Variants in EHBP1 observed in about 807,000 individuals in gnomAD.
The protein encoded by EHBP1 is EH domain binding protein 1.
Under a neutral mutation model 144.0 loss-of-function variants are expected in EHBP1, and 55 were observed. The observed-to-expected ratio is 0.38, with a 90% CI of 0.31 to 0.48. The LOEUF (loss-of-function observed/expected upper bound fraction) is 0.48. Ranked by LOEUF, EHBP1 falls within the 20% of genes least tolerant of loss-of-function variation. The probability of loss-of-function intolerance (pLI) is 0.98; values close to 1 mark genes in which losing one functional copy is unlikely to be tolerated. For synonymous variants in EHBP1, 469 were observed against 472.7 expected (o/e 0.99, Z 0.10); for missense variants, 1,200 against 1,364.2 (o/e 0.88, Z 1.90).
chr2:63,032,344 G>A lies in EHBP1; in HGVS notation c.3104-5191G>A, dbSNP rs979619056. Among the ~76,000 whole-genome samples, 37 of 151,548 alleles carry A rather than the reference G, an allele frequency of 2.4e-4. 1 individual carries two copies. The highest frequency in any genetic ancestry group is 3.1e-4 in the Non-Finnish European group (21 of 67,886). On this transcript the variant is annotated intron_variant, in intron 19 of 22. Coordinates refer to ENST00000431489, the MANE Select transcript of EHBP1 (RefSeq NM_001142616.3). ...AGCGTTTTGGGAGGCGCAGGCGGGT[G>A]GATCATGAGGTCAGGAAATCAAGAC...
intron 1 of EHBP1, among the ~76,000 whole-genome samples, chr2:62,689,643 G>C (rs1412805809): frequency 6.6e-6 from 1 of 152,096 alleles, no homozygotes; most frequent in East Asian, 1.9e-4. Flanking sequence ...TCTAGCCTAG[G>C]CAACAGAGCA....
intron 3 of EHBP1, among the ~76,000 whole-genome samples, chr2:62,755,223 G>A (rs928568885): frequency 3.3e-5 from 5 of 152,296 alleles, no homozygotes. Flanking sequence ...TAAGACTAGT[G>A]TTGCTTGTTC....
At chr2:63,021,921 C>T (rs773583044) in intron 19 of EHBP1, among the ~76,000 whole-genome samples, 1 of 152,074 alleles carries the variant, frequency 6.6e-6, no homozygotes, top group Non-Finnish European at 1.5e-5. Flanking sequence ...CACCTGCCAC[C>T]ACGCACAGCT....
At chr2:62,696,019 T>C (rs951459199) in intron 1 of EHBP1, among the ~76,000 whole-genome samples, 2 of 152,140 alleles carry the variant, frequency 1.3e-5, no homozygotes, top group African/African-American at 2.4e-5. Flanking sequence ...AGCCTAATCA[T>C]TATTTTTTAT....
intron 19 of EHBP1, among the ~76,000 whole-genome samples, chr2:63,001,419 A>T (rs1162851372): frequency 1.3e-5 from 2 of 152,206 alleles, no homozygotes; most frequent in African/African-American, 2.4e-5. Flanking sequence ...AAATTAAAAG[A>T]ACTTTTTTCT....
In EHBP1 at chr2:62,885,749, A is replaced by G. The variant is rs976350580; in HGVS notation, c.1185+11217A>G. On this transcript the variant is annotated intron_variant, in intron 10 of 22. Transcript: ENST00000431489. ...ATTAAACTTACAGTTCTCTGATTGCATAGAAAAGAGCCCCACCGTACATTC... is the reference window on the plus strand; with the variant it reads ...ATTAAACTTACAGTTCTCTGATTGCGTAGAAAAGAGCCCCACCGTACATTC... 3.9e-4 allele frequency among the ~76,000 whole-genome samples: 60 copies of G among 152,320 alleles called. 1 individual carries two copies. The South Asian group carries it at 5.2e-3, about 13-fold the overall frequency.
At chr2:62,998,499 T>G (rs184026218) in intron 19 of EHBP1, among the ~76,000 whole-genome samples, 1 of 152,268 alleles carries the variant, frequency 6.6e-6, no homozygotes, top group African/African-American at 2.4e-5. Flanking sequence ...TCCCTGATTG[T>G]GTTGGATAAA....
chr2:62,796,602 G>T (rs537592093), intron 5 of EHBP1, among the ~76,000 whole-genome samples: 2 of 152,194 alleles, frequency 1.3e-5, no homozygotes, highest in African/African-American at 2.4e-5. Context: ...ATTTTAAAAT[G>T]TAAAATTTTA....
chr2:62,954,569 GA>G (rs1433352877), intron 13 of EHBP1, among the ~76,000 whole-genome samples: 1 of 151,606 alleles, frequency 6.6e-6, no homozygotes, highest in African/African-American at 2.4e-5. Context: ...TAAGTTTATA[GA>G]AAAAAAGGCT....
intron 1 of EHBP1, among the ~76,000 whole-genome samples, chr2:62,680,404 T>A (rs1369837641): frequency 1.3e-5 from 2 of 152,236 alleles, no homozygotes; most frequent in Non-Finnish European, 2.9e-5. Context: ...TTAATTTTCT[T>A]TTTAATCATT....
chr2:62,680,446 C>T (rs2033471991), intron 1 of EHBP1, among the ~76,000 whole-genome samples: 1 of 152,268 alleles, frequency 6.6e-6, no homozygotes, highest in East Asian at 1.9e-4. Context: ...TAAAACTTAT[C>T]TTGCCCTTTC....
intron 1 of EHBP1, among the ~76,000 whole-genome samples, chr2:62,682,688 T>C (rs1182219700): frequency 2.0e-5 from 3 of 152,278 alleles, no homozygotes; most frequent in Admixed American, 1.3e-4. Context: ...CTTAACGAGG[T>C]CATAAGCCTA....
At chr2:62,903,089 A>C (rs1252114464) in intron 10 of EHBP1, among the ~76,000 whole-genome samples, 3 of 152,342 alleles carry the variant, frequency 2.0e-5, no homozygotes, top group Non-Finnish European at 4.4e-5. Flanking sequence ...AAATGCACAG[A>C]GAAGCATTTA....
In EHBP1 at chr2:62,716,531, T is replaced by C. The variant is rs372002183; in HGVS notation, c.104+9236T>C. Among the ~76,000 whole-genome samples, 5 of 152,348 alleles carry C rather than the reference T, an allele frequency of 3.3e-5. No individual in the cohort carries two copies. The East Asian group carries it at 7.7e-4, about 24-fold the overall frequency. ...CCAAATAGATTGGTATCATGTGAAC[T>C]GTTTTTTTCTCAGTGAATAATGGCA... On this transcript the variant is annotated intron_variant, in intron 2 of 22. Coordinates refer to ENST00000431489, the MANE Select transcript of EHBP1 (RefSeq NM_001142616.3).
upstream of EHBP1, among the ~76,000 whole-genome samples, chr2:62,702,568 A>G (rs2151764991): frequency 6.6e-6 from 1 of 152,326 alleles, no homozygotes; most frequent in African/African-American, 2.4e-5. Flanking sequence ...AGGATTGAGG[A>G]TAAGTGCATT....
chr2:63,043,019 T>C (rs2061737438), intron 21 of EHBP1, among the ~76,000 whole-genome samples: 1 of 152,140 alleles, frequency 6.6e-6, no homozygotes, highest in African/African-American at 2.4e-5. Context: ...TTAACATTCA[T>C]TAAACTAGTA....
intron 1 of EHBP1, among the ~76,000 whole-genome samples, chr2:62,697,118 A>G (rs1160659348): frequency 6.6e-6 from 1 of 152,236 alleles, no homozygotes; most frequent in Non-Finnish European, 1.5e-5. Context: ...GCTGATGTTT[A>G]ACAGGTTGCA....
intron 5 of EHBP1, among the ~76,000 whole-genome samples, chr2:62,784,452 A>G (rs1178070405): frequency 1.3e-5 from 2 of 152,194 alleles, no homozygotes; most frequent in Non-Finnish European, 2.9e-5. Flanking sequence ...GTAGTTCTCA[A>G]TCTAGTCAGA....
intron 5 of EHBP1, among the ~76,000 whole-genome samples, chr2:62,823,408 C>T (rs946091473): frequency 6.6e-6 from 1 of 152,032 alleles, no homozygotes; most frequent in African/African-American, 2.4e-5. Context: ...TTGTCCAACC[C>T]ACATGTGATC....
Sources: allele counts gnomAD v4.1 joint callset (sites outside exome capture counted in the v4.1 genomes callset), GRCh38; gene constraint gnomAD v4.1.1; transcripts MANE v1.5; gene names NCBI Gene and HGNC (gene_info 2026-07-23, HGNC 2026-07-21).